Variants in TSNARE1 observed in about 807,000 individuals in gnomAD.
TSNARE1 encodes the protein t-SNARE domain-containing protein 1.
A neutral mutation model predicts 62.0 loss-of-function variants in TSNARE1; 49 were observed. The observed-to-expected ratio is 0.79, with a 90% CI of 0.63 to 1.00. The LOEUF (loss-of-function observed/expected upper bound fraction) is 1.00. Ranked by LOEUF, TSNARE1 falls within the 50% of genes least tolerant of loss-of-function variation. The pLI, the probability that TSNARE1 is intolerant of heterozygous loss-of-function variation, is 0.00. For synonymous variants in TSNARE1, 328 were observed against 294.4 expected (o/e 1.11, Z -1.17); for missense variants, 755 against 700.1 (o/e 1.08, Z -0.88).
At chr8:142,391,909 G>A (rs1202578977) in intron 1 of TSNARE1, among the ~76,000 whole-genome samples, 1 of 152,246 alleles carries the variant, frequency 6.6e-6, no homozygotes, top group East Asian at 1.9e-4. Context: ...GCGGGTGTAA[G>A]CACCACTCAG....
chr8:142,273,946 G>A, intron 12 of TSNARE1: 1 of 985,144 alleles, frequency 1.0e-6, no homozygotes, highest in Non-Finnish European at 1.2e-6. Context: ...CTGGACCCTG[G>A]CCTCACACCC....
intron 1 of TSNARE1, among the ~76,000 whole-genome samples, chr8:142,390,745 CGCTGT>C (rs1837450135): frequency 6.1e-5 from 2 of 32,706 alleles, no homozygotes; most frequent in Non-Finnish European, 1.0e-4. Context: ...CCGTAACAGA[CGCTGT>C]ACACTGCGGG....
intron 4 of TSNARE1, among the ~76,000 whole-genome samples, chr8:142,333,879 C>T (rs1447855181): frequency 1.3e-5 from 2 of 152,314 alleles, no homozygotes; most frequent in Admixed American, 6.5e-5. Flanking sequence ...GACGGCCCCC[C>T]ATCACCCAGC....
intron 1 of TSNARE1, among the ~76,000 whole-genome samples, chr8:142,397,537 A>C (rs1233932026): frequency 6.6e-6 from 1 of 152,158 alleles, no homozygotes; most frequent in Non-Finnish European, 1.5e-5. Flanking sequence ...CCTGGATGTT[A>C]CGTAAGTCAG....
intron 1 of TSNARE1, among the ~76,000 whole-genome samples, chr8:142,402,017 A>G (rs1838327351): frequency 6.6e-6 from 1 of 152,214 alleles, no homozygotes; most frequent in Non-Finnish European, 1.5e-5. Context: ...GAAAACAAGC[A>G]GATGAGTGAC....
chr8:142,271,356 T>C, intron 12 of TSNARE1: 1 of 1,199,782 alleles, frequency 8.3e-7, no homozygotes, highest in Non-Finnish European at 1.0e-6. Flanking sequence ...GCCATGAGTG[T>C]GCTCTGCTGC....
At chr8:142,256,889 G>A (rs1466781524) in intron 12 of TSNARE1, among the ~76,000 whole-genome samples, 2 of 152,210 alleles carry the variant, frequency 1.3e-5, no homozygotes, top group East Asian at 1.9e-4. Context: ...CTTGGTGAAT[G>A]AGGACCAGGG....
chr8:142,327,848 C>T (rs558439054), intron 6 of TSNARE1, among the ~76,000 whole-genome samples: 3 of 152,318 alleles, frequency 2.0e-5, no homozygotes, highest in South Asian at 2.1e-4. Context: ...ACACCTCACG[C>T]GGAGCAGCAG....
intron 12 of TSNARE1, among the ~76,000 whole-genome samples, chr8:142,263,112 G>C (rs1338321218): frequency 6.6e-6 from 1 of 152,138 alleles, no homozygotes; most frequent in Non-Finnish European, 1.5e-5. Flanking sequence ...TTTTAAAGGA[G>C]GGCTCCTCAT....
chr8:142,391,918 A>G (rs937640338), intron 1 of TSNARE1, among the ~76,000 whole-genome samples: 3 of 152,260 alleles, frequency 2.0e-5, no homozygotes, highest in African/African-American at 7.2e-5. Flanking sequence ...AGCACCACTC[A>G]GGCAGAGGCA....
chr8:142,299,464 GC>G (rs1007408872), intron 10 of TSNARE1, among the ~76,000 whole-genome samples: 48 of 152,342 alleles, frequency 3.2e-4, no homozygotes, highest in African/African-American at 1.1e-3. Flanking sequence ...AGATGAGGTG[GC>G]CAGAGGAAGG....
intron 6 of TSNARE1, among the ~76,000 whole-genome samples, chr8:142,328,698 G>T (rs1337768595): frequency 6.6e-6 from 1 of 152,184 alleles, no homozygotes; most frequent in Non-Finnish European, 1.5e-5. Flanking sequence ...ACGGCCCCCA[G>T]GGTGGAAGGG....
intron 13 of TSNARE1, among the ~76,000 whole-genome samples, chr8:142,228,064 G>A (rs1299052620): frequency 6.6e-6 from 1 of 152,192 alleles, no homozygotes; most frequent in Non-Finnish European, 1.5e-5. Flanking sequence ...ACCAGCACCA[G>A]TGTCAGCCAC....
chr8:142,279,075 C>T (rs1324408674), intron 11 of TSNARE1, among the ~76,000 whole-genome samples: 5 of 152,236 alleles, frequency 3.3e-5, no homozygotes, highest in Non-Finnish European at 7.3e-5. Context: ...GGCTCTGGGG[C>T]TGGGGGAGAG....
At chr8:142,373,618 C>A (rs1307186386) in intron 1 of TSNARE1, among the ~76,000 whole-genome samples, 1 of 149,990 alleles carries the variant, frequency 6.7e-6, no homozygotes, top group Non-Finnish European at 1.5e-5. Context: ...CTCTGTGACG[C>A]CCCCACCCCC....
chr8:142,355,611 C>T (rs1191486828), intron 1 of TSNARE1, among the ~76,000 whole-genome samples: 1 of 152,222 alleles, frequency 6.6e-6, no homozygotes, highest in African/African-American at 2.4e-5. Context: ...AGCGTCCTCC[C>T]TGTGTGCAGG....
At chr8:142,250,946 G>C (rs1280795883) in intron 12 of TSNARE1, among the ~76,000 whole-genome samples, 2 of 152,226 alleles carry the variant, frequency 1.3e-5, no homozygotes, top group African/African-American at 4.8e-5. Flanking sequence ...GCCTGACCCA[G>C]TAAAGGAAGG....
intron 2 of TSNARE1, among the ~76,000 whole-genome samples, chr8:142,351,576 C>A (rs1413173761): frequency 6.6e-6 from 1 of 152,124 alleles, no homozygotes; most frequent in African/African-American, 2.4e-5. Context: ...GGACGCCAGG[C>A]AAACCCAGTC....
intron 12 of TSNARE1, among the ~76,000 whole-genome samples, chr8:142,267,964 CTGG>C (rs1006995263): frequency 6.6e-6 from 1 of 152,228 alleles, no homozygotes; most frequent in Admixed American, 6.5e-5. Flanking sequence ...TGACAGGTTC[CTGG>C]TGAAGCCAAG....
Sources: gnomAD v4.1 joint callset for allele counts (sites outside exome capture counted in the v4.1 genomes callset) on GRCh38, gnomAD v4.1.1 for gene constraint, MANE v1.5 for transcripts, NCBI Gene and HGNC (gene_info 2026-07-23, HGNC 2026-07-21) for gene names.